ZNF140: variants seen among roughly 807,000 people sequenced by gnomAD.
The protein encoded by ZNF140 is zinc finger protein 140 (clone pHZ-39).
Under a neutral mutation model 12.9 loss-of-function variants are expected in ZNF140, and 13 were observed. The ratio of observed to expected loss-of-function variants is 1.01; its 90% CI spans 0.66 to 1.60. The LOEUF (loss-of-function observed/expected upper bound fraction) is 1.60. Ranked by LOEUF, ZNF140 falls within the 40% of genes most tolerant of loss-of-function variation. The pLI, the probability that ZNF140 is intolerant of heterozygous loss-of-function variation, is 0.00. For missense variants in ZNF140, 531 were observed against 548.8 expected (o/e 0.97, Z 0.32); for synonymous variants, 214 against 186.7 (o/e 1.15, Z -1.19).
intron 4 of ZNF140, among the ~76,000 whole-genome samples, chr12:133,096,922 T>C (rs992690475): frequency 2.0e-4 from 30 of 152,254 alleles, no homozygotes; most frequent in Non-Finnish European, 3.8e-4. Context: ...TTCTGCCTGC[T>C]GGATCTGTCC....
At chr12:133,097,674 G>A (rs1955178616) in intron 4 of ZNF140, among the ~76,000 whole-genome samples, 1 of 151,742 alleles carries the variant, frequency 6.6e-6, no homozygotes, top group Non-Finnish European at 1.5e-5. Flanking sequence ...TATTTCTTTA[G>A]AGACAGGATC....
chr12:133,096,654 A>G (rs992154825), intron 4 of ZNF140, among the ~76,000 whole-genome samples: 2 of 152,180 alleles, frequency 1.3e-5, no homozygotes, highest in Non-Finnish European at 2.9e-5. Context: ...GTGTTGTTCA[A>G]TATCCATGTG....
chr12:133,090,204 A>G (rs1593757299), intron 4 of ZNF140, among the ~76,000 whole-genome samples: 3 of 152,210 alleles, frequency 2.0e-5, no homozygotes, highest in South Asian at 4.1e-4. Flanking sequence ...CAGTGCCACA[A>G]TCGTAGCTCA....
chr12:133,080,848 G>C (rs893348731), upstream of ZNF140: 3 of 152,604 alleles, frequency 2.0e-5, no homozygotes, highest in Admixed American at 6.5e-5. Flanking sequence ...GCCTGGTTGG[G>C]GTGACGTCGG....
intron 4 of ZNF140, among the ~76,000 whole-genome samples, chr12:133,094,785 C>T (rs74513506): frequency 2.6e-5 from 4 of 151,332 alleles, no homozygotes; most frequent in Admixed American, 6.6e-5. Flanking sequence ...AGCACTCACT[C>T]GGCTGAGGAG....
rs34028154 is a variant in ZNF140, at chr12:133,103,445, T to TG, written c.233-2062dup. Among the ~76,000 whole-genome samples, 877 of 142,454 alleles carry TG rather than the reference T, an allele frequency of 6.2e-3. 3 individuals are homozygous for TG. Among genetic ancestry groups the TG allele is most frequent in the Admixed American group, 9.2e-3 (132 of 14,318 alleles). 93.5% of individuals were successfully genotyped at this position (142,454 alleles called of 152,430 possible). A position where few individuals can be genotyped will look rare whatever the true frequency, so the allele number is the denominator to read the frequency against. On this transcript the variant is annotated intron_variant, in intron 4 of 4. Coordinates refer to ENST00000355557, the MANE Select transcript of ZNF140 (RefSeq NM_003440.4). ...AAGTTTTAATTTTTTTTTTTTTTTT[T>TG]GGGTAAAGACAGGGGTCTCACTTTG...
chr12:133,100,289 T>C (rs1955299382), intron 4 of ZNF140, among the ~76,000 whole-genome samples: 1 of 142,568 alleles, frequency 7.0e-6, no homozygotes, highest in East Asian at 2.3e-4. Context: ...CACCTCAACC[T>C]CCTGAGTAGC....
chr12:133,091,698 T>G (rs1277663483), intron 4 of ZNF140, among the ~76,000 whole-genome samples: 12 of 151,136 alleles, frequency 7.9e-5, no homozygotes, highest in Admixed American at 5.9e-4. Flanking sequence ...TAGTGGAATT[T>G]CCAGTGGTTT....
chr12:133,088,495 T>A (rs2137503925), intron 4 of ZNF140, among the ~76,000 whole-genome samples: 1 of 152,382 alleles, frequency 6.6e-6, no homozygotes, highest in Middle Eastern at 3.4e-3. Context: ...TGCAGTTTAC[T>A]TATATGTTCA....
At chr12:133,103,064 T>C (rs1955417490) in intron 4 of ZNF140, among the ~76,000 whole-genome samples, 1 of 152,224 alleles carries the variant, frequency 6.6e-6, no homozygotes, top group African/African-American at 2.4e-5. Flanking sequence ...GTTTATGAAG[T>C]ACAATGTGAT....
At chr12:133,087,447 C>A (rs1456012418) in intron 4 of ZNF140, among the ~76,000 whole-genome samples, 1 of 151,684 alleles carries the variant, frequency 6.6e-6, no homozygotes, top group Non-Finnish European at 1.5e-5. Flanking sequence ...TATTCCTAGG[C>A]CCCACCCTGG....
chr12:133,097,782 G>A (rs1955182169), intron 4 of ZNF140, among the ~76,000 whole-genome samples: 1 of 150,414 alleles, frequency 6.6e-6, no homozygotes, highest in African/African-American at 2.4e-5. Context: ...GTCTCCCAAT[G>A]TGCTGGGATT....
chr12:133,106,028 G>A lies in ZNF140; in HGVS notation c.751G>A (p.Gly251Arg). The A allele has an allele frequency of 6.2e-7, 1 of 1,614,094 alleles. No individual in the cohort carries two copies. Among genetic ancestry groups the A allele is most frequent in the East Asian group, 2.2e-5 (1 of 44,884 alleles). ...GAAACCTTATGAATGTACTGAGTGT[G>A]GAAAGGCCTTTAGCCGTGCCTCCAA... is the stretch of plus-strand genomic sequence containing the variant. The part of the protein sequence containing the change: ...GEKPYECTEC[G>R]KAFSRASNLT... The change falls in exon 5 of 5, where the codon GGA (glycine) becomes AGA (arginine). Residue 251 changes from glycine to arginine, a missense_variant. Transcript: ENST00000355557.
At chr12:133,098,053 C>CT (rs1955201230) in intron 4 of ZNF140, among the ~76,000 whole-genome samples, 8 of 152,114 alleles carry the variant, frequency 5.3e-5, no homozygotes, top group Admixed American at 2.6e-4. Context: ...AGGCTGGTCT[C>CT]TAACTCCTGA....
Position 133,106,124 on chromosome 12 carries a change from A to G in ZNF140, c.847A>G (p.Ser283Gly). The G allele has an allele frequency of 1.2e-6, 2 of 1,614,202 alleles. No individual in the cohort carries two copies. The highest frequency in any genetic ancestry group is 1.1e-5 in the South Asian group (1 of 91,084). Residue 283 changes from serine (S) to glycine (G), a missense_variant, in exon 5 of 5, where the codon AGC becomes GGC. By Grantham distance (56) the Ser-to-Gly change is moderately conservative. Coordinates refer to ENST00000355557, the MANE Select transcript of ZNF140 (RefSeq NM_003440.4). The stretch of plus-strand genomic sequence containing the variant: ...ATGTAGGAAATGTGGTAAAGCATTT[A>G]GCAGTGGCTCAGAACTCATTCGCCA... ...YICRKCGKAF[S>G]SGSELIRHQI...
At chr12:133,091,017 C>T (rs1024844309) in intron 4 of ZNF140, among the ~76,000 whole-genome samples, 11 of 149,036 alleles carry the variant, frequency 7.4e-5, no homozygotes, top group Non-Finnish European at 1.5e-4. Flanking sequence ...CCGAGACATT[C>T]AGTTCCCAGG....
chr12:133,080,619 C>G (rs1341618042), upstream of ZNF140: 1 of 152,428 alleles, frequency 6.6e-6, no homozygotes, highest in Non-Finnish European at 1.5e-5. Context: ...GACCCGGGTT[C>G]TTTGTTTCTC....
intron 4 of ZNF140, among the ~76,000 whole-genome samples, chr12:133,095,825 C>T (rs1413567157): frequency 3.3e-5 from 5 of 152,028 alleles, no homozygotes; most frequent in Non-Finnish European, 7.4e-5. Context: ...TCCACCCAAA[C>T]ATCTCAGCGG....
chr12:133,104,643 G>A (rs543999179), intron 4 of ZNF140, among the ~76,000 whole-genome samples: 40 of 152,196 alleles, frequency 2.6e-4, no homozygotes, highest in African/African-American at 6.7e-4. Context: ...GAGCCACTGC[G>A]CCCGGCCAAG....
Sources: gnomAD v4.1 joint callset for allele counts (sites outside exome capture counted in the v4.1 genomes callset) on GRCh38, gnomAD v4.1.1 for gene constraint, MANE v1.5 for transcripts, NCBI Gene and HGNC (gene_info 2026-07-23, HGNC 2026-07-21) for gene names.